The following CNMD variants were observed in gnomAD, a reference collection of about 807,000 sequenced individuals.
CNMD encodes leukocyte cell-derived chemotaxin 1.
A neutral mutation model predicts 37.5 loss-of-function variants in CNMD; 30 were observed. The ratio of observed to expected loss-of-function variants is 0.80; its 90% CI spans 0.60 to 1.09. The LOEUF is 1.09. CNMD is among the 50% of genes least tolerant of loss of function. CNMD has a pLI of 0.00. For synonymous variants in CNMD, 167 were observed against 148.2 expected, an observed-to-expected ratio of 1.13 and a Z score of -0.92; for missense variants, 398 against 423.9, an observed-to-expected ratio of 0.94 and a Z score of 0.54.
At chr13:52,736,931 C>A (rs1419957897) in intron 2 of CNMD, among the ~76,000 whole-genome samples, 1 of 152,088 alleles carries the variant, frequency 6.6e-6, no homozygotes, top group Non-Finnish European at 1.5e-5. Context: ...AAAATGGCCT[C>A]AATATTGGAG....
At position 52,709,735 on chromosome 13, in the gene CNMD, G is replaced by A. The variant is rs183947281; in HGVS notation, c.623-1033C>T. 6.0e-4 allele frequency among the ~76,000 whole-genome samples: 92 copies of A among 152,314 alleles called. 1 individual carries two copies. The highest frequency in any genetic ancestry group is 1.9e-3 in the African/African-American group (81 of 41,560). On this transcript the variant is annotated intron_variant, in intron 5 of 6. Coordinates refer to ENST00000377962, the MANE Select transcript of CNMD (RefSeq NM_007015.3). ...TGCCTGTAATCCCAGCAGTTTGGGA[G>A]GCTGAGGCAGGCGGATCACTTGAGG...
chr13:52,717,510 A>G (rs1964410612), intron 4 of CNMD, among the ~76,000 whole-genome samples: 1 of 152,184 alleles, frequency 6.6e-6, no homozygotes, highest in South Asian at 2.1e-4. Flanking sequence ...ATTTTGAGAT[A>G]TGTTCCATCA....
intron 6 of CNMD, among the ~76,000 whole-genome samples, chr13:52,705,042 G>A (rs1212797463): frequency 2.1e-5 from 3 of 139,874 alleles, no homozygotes; most frequent in East Asian, 4.3e-4. Flanking sequence ...TGGGTAACAA[G>A]AGTGAAACTC....
At chr13:52,728,661 C>T (rs556105448) in intron 3 of CNMD, among the ~76,000 whole-genome samples, 1 of 152,304 alleles carries the variant, frequency 6.6e-6, no homozygotes, top group East Asian at 1.9e-4. Context: ...GTGACATTTT[C>T]TCTTAACTTC....
At chr13:52,728,062 AATATT>A (rs1220115016) in intron 3 of CNMD, among the ~76,000 whole-genome samples, 1 of 152,160 alleles carries the variant, frequency 6.6e-6, no homozygotes, top group Non-Finnish European at 1.5e-5. Context: ...AAATATATAA[AATATT>A]ATGTAACAAT....
intron 3 of CNMD, among the ~76,000 whole-genome samples, chr13:52,728,971 A>G (rs1273486422): frequency 6.6e-6 from 1 of 152,166 alleles, no homozygotes; most frequent in African/African-American, 2.4e-5. Flanking sequence ...AGCCAAGCAA[A>G]CCTCCTGTTT....
chr13:52,738,456 C>T (rs1964811992), intron 2 of CNMD, among the ~76,000 whole-genome samples: 1 of 152,188 alleles, frequency 6.6e-6, no homozygotes, highest in South Asian at 2.1e-4. Context: ...GATTTTCCAC[C>T]TTTAAGGAAG....
rs1964239859 is a variant in CNMD, at chr13:52,708,672, C to T, written c.653G>A (p.Arg218Lys). ...EIQRERREVV[R>K]KIVPTTTKRP... is the part of the protein sequence containing the mutation. ...TTTTGTGGTAGTTGGAACAATTTTT[C>T]TTACCACTTCTCTTCTTTCCCTCTG... Residue 218 changes from arginine to lysine, a missense_variant, in exon 6 of 7, where the codon AGA (arginine) becomes AAA (lysine). Transcript: ENST00000377962. 6.2e-7 allele frequency: 1 copy of T among 1,609,898 alleles called. No individual in the cohort carries two copies. Among genetic ancestry groups the T allele is most frequent in the Admixed American group, 1.7e-5 (1 of 59,042 alleles).
At chr13:52,718,333 T>C (rs190457334) in intron 4 of CNMD, among the ~76,000 whole-genome samples, 107 of 152,320 alleles carry the variant, frequency 7.0e-4, no homozygotes, top group African/African-American at 2.5e-3. Context: ...TTCATGTCTC[T>C]ATCTCCTTCA....
intron 4 of CNMD, among the ~76,000 whole-genome samples, chr13:52,723,714 G>A (rs1260381683): frequency 6.6e-6 from 1 of 151,990 alleles, no homozygotes; most frequent in African/African-American, 2.4e-5. Context: ...CAGGTCACTT[G>A]AGGCCAGGAG....
chr13:52,739,175 C>G lies in CNMD; in HGVS notation c.73-4G>C. 6.8e-7 allele frequency: 1 copy of G among 1,474,626 alleles called. No homozygotes were observed. The allele number at this position is 1,474,626 out of a possible 1,614,324, so 91.3% of individuals were successfully genotyped here. A position where few individuals can be genotyped will look rare whatever the true frequency, so the allele number is the denominator to read the frequency against. On this transcript the variant is annotated splice_polypyrimidine_tract_variant and splice_region_variant and intron_variant, in intron 1 of 6. Coordinates refer to ENST00000377962, the MANE Select transcript of CNMD (RefSeq NM_007015.3). This position sits in a 1 kb window ranked among gnomAD's most constrained non-coding sequence, Gnocchi z 5.4. The stretch of plus-strand genomic sequence containing the variant: ...TCACCGTCAGCGTAGCGTACGCCTG[C>G]GGGCCGGGGCGGGAGAGGGACCGTC...
intron 3 of CNMD, among the ~76,000 whole-genome samples, chr13:52,727,888 G>A (rs1210544751): frequency 6.6e-6 from 1 of 152,202 alleles, no homozygotes; most frequent in Non-Finnish European, 1.5e-5. Flanking sequence ...CTAATGTTCA[G>A]TAGCAGAGTG....
chr13:52,714,739 A>C (rs1162901266), intron 4 of CNMD, among the ~76,000 whole-genome samples: 8 of 152,144 alleles, frequency 5.3e-5, no homozygotes, highest in African/African-American at 1.9e-4. Context: ...AAGCATGTAC[A>C]ACAGGATAAT....
chr13:52,718,654 G>T (rs9536253), intron 4 of CNMD, among the ~76,000 whole-genome samples: 12,976 of 152,212 alleles, frequency 0.085, 719 homozygotes, highest in Middle Eastern at 0.13. Flanking sequence ...TTGCAGTTTT[G>T]AGTGAGTTTC....
intron 3 of CNMD, among the ~76,000 whole-genome samples, chr13:52,726,990 G>T (rs1404015420): frequency 6.6e-6 from 1 of 152,184 alleles, no homozygotes; most frequent in Non-Finnish European, 1.5e-5. Context: ...TAGAAGCCAG[G>T]CACAGTGGCT....
At chr13:52,722,446 A>T (rs538912991) in intron 4 of CNMD, among the ~76,000 whole-genome samples, 2 of 152,330 alleles carry the variant, frequency 1.3e-5, no homozygotes, top group African/African-American at 4.8e-5. Context: ...AAAGATGATC[A>T]TAATAAAATT....
intron 3 of CNMD, among the ~76,000 whole-genome samples, chr13:52,724,830 G>C (rs1050197697): frequency 9.9e-5 from 15 of 152,126 alleles, no homozygotes; most frequent in African/African-American, 3.6e-4. Flanking sequence ...CCGGGAGGTG[G>C]AGGTTGCAGA....
In CNMD at chr13:52,733,450, A is replaced by AT. The variant is rs781059424; in HGVS notation, c.214-92dup. ...GGGCAGTGTATGAGGTAGTGTCCAT[A>AT]TGTTTCAGAGATACATGAGATAGTC... On this transcript the variant is annotated intron_variant, in intron 2 of 6. Coordinates refer to ENST00000377962, the MANE Select transcript of CNMD (RefSeq NM_007015.3). 2.5e-5 allele frequency: 28 copies of AT among 1,124,094 alleles called. No homozygotes were observed. The African/African-American group carries it at 2.8e-4, about 11-fold the overall frequency. 69.6% of individuals were successfully genotyped at this position (1,124,094 alleles called of 1,614,324 possible).
In CNMD at chr13:52,724,094, C is replaced by T. The variant is rs775957396; in HGVS notation, c.371G>A (p.Arg124His). The T allele has an allele frequency of 1.2e-5, 20 of 1,613,494 alleles. No individual in the cohort carries two copies. The highest frequency in any genetic ancestry group is 3.3e-5 in the South Asian group (3 of 91,078). ...NDFQNGITGI[R>H]FAGGEKCYIK... Reference sequence around the variant, plus strand: ...GTAGCACTTCTCTCCTCCAGCAAAACGAATTCCTGTGATGCCCTATGAAAC... The same window carrying T: ...GTAGCACTTCTCTCCTCCAGCAAAATGAATTCCTGTGATGCCCTATGAAAC... The change falls in exon 4 of 7, where the codon CGT becomes CAT. Residue 124 changes from arginine to histidine, a missense_variant. Arg to His is a conservative substitution (Grantham distance 29). Transcript: ENST00000377962.
Sources: allele counts gnomAD v4.1 joint callset (sites outside exome capture counted in the v4.1 genomes callset), GRCh38; gene constraint gnomAD v4.1.1; non-coding constraint Gnocchi (gnomAD v3.1); transcripts MANE v1.5; gene names NCBI Gene and HGNC (gene_info 2026-07-23, HGNC 2026-07-21).